The following DCHS2 variants were observed in gnomAD, a reference collection of about 807,000 sequenced individuals.
The protein encoded by DCHS2 is protocadherin-23.
In DCHS2, 142 loss-of-function variants were observed where a neutral mutation model predicts 182.4. That is an observed-to-expected ratio of 0.78 (90% CI 0.68 to 0.89). DCHS2 has a LOEUF of 0.89. Among genes scored for constraint, DCHS2 ranks in the 40% least tolerant of loss-of-function variants. The probability of loss-of-function intolerance (pLI) is 0.00; values close to 1 mark genes in which losing one functional copy is unlikely to be tolerated. For synonymous variants in DCHS2, 1,740 were observed against 1,663.3 expected (o/e 1.05, Z -1.12); for missense variants, 4,319 against 4,198.6 (o/e 1.03, Z -0.79).
chr4:154,322,586 T>G (rs1736108083), intron 7 of DCHS2, 98 bp from the exon 8 acceptor site: 2 of 1,391,086 alleles, frequency 1.4e-6, no homozygotes, highest in Non-Finnish European at 1.9e-6. Flanking sequence ...AAGATTTGTT[T>G]GCTTTGAATT....
At chr4:154,398,902 G>A (rs7693455) in intron 1 of DCHS2, among the ~76,000 whole-genome samples, 107,688 of 152,164 alleles carry the variant, frequency 0.71, 39,894 homozygotes, top group Admixed American at 0.81. Flanking sequence ...ATTGGCAGAG[G>A]CTTTAAAAGG....
intron 1 of DCHS2, among the ~76,000 whole-genome samples, chr4:154,413,446 G>A (rs1471849634): frequency 6.6e-6 from 1 of 152,140 alleles, no homozygotes; most frequent in Non-Finnish European, 1.5e-5. Context: ...TTGAGACATT[G>A]CATTTTAGAT....
intron 1 of DCHS2, chr4:154,391,093 A>C (rs1731680205): frequency 1.8e-5 from 24 of 1,333,018 alleles, no homozygotes; most frequent in Non-Finnish European, 2.4e-5. Flanking sequence ...GCCAGTATGA[A>C]TCTCATATGT....
chr4:154,266,027 G>A (rs1273954888), intron 14 of DCHS2, among the ~76,000 whole-genome samples: 3 of 152,168 alleles, frequency 2.0e-5, no homozygotes, highest in African/African-American at 7.2e-5. Context: ...CAATTATACT[G>A]TAGTAAAAGT....
intron 16 of DCHS2, among the ~76,000 whole-genome samples, chr4:154,252,204 A>ATG (rs1221387521): frequency 6.6e-6 from 1 of 152,142 alleles, no homozygotes; most frequent in Non-Finnish European, 1.5e-5. Flanking sequence ...TAGTAGGTGT[A>ATG]TACATTTATG....
At position 154,490,194 on chromosome 4, in the gene DCHS2, C is replaced by T. The variant is rs1728754884; in HGVS notation, c.1162G>A (p.Gly388Arg). Residue 388 changes from glycine to arginine, a missense_variant, in exon 1 of 20, where the codon GGA becomes AGA. Physicochemically the swap from Gly to Arg is moderately radical, Grantham distance 125 (BLOSUM62 -2). Coordinates refer to ENST00000357232, the MANE Select transcript of DCHS2 (RefSeq NM_001358235.2). ...GTGGCAACCTCAGGCTCGGCGCCTC[C>T]ATCGCGGGCCTCCACCACCAACTGG... is the stretch of plus-strand genomic sequence containing the variant. ...WHQLVVEARDGGAEPEVATVR... is the reference protein window; with the variant it reads ...WHQLVVEARDRGAEPEVATVR... 6.5e-7 allele frequency: 1 copy of T among 1,549,464 alleles called. No individual in the cohort carries two copies. Among genetic ancestry groups the T allele is most frequent in the Non-Finnish European group, 8.7e-7 (1 of 1,146,714 alleles).
At chr4:154,285,072 T>G (rs1050330505) in intron 13 of DCHS2, among the ~76,000 whole-genome samples, 2 of 152,030 alleles carry the variant, frequency 1.3e-5, no homozygotes, top group Non-Finnish European at 1.5e-5. Flanking sequence ...GGCAGAGTGC[T>G]GAGGCCCCCA....
chr4:154,460,400 A>G (rs1389730784), intron 1 of DCHS2, among the ~76,000 whole-genome samples: 1 of 152,118 alleles, frequency 6.6e-6, no homozygotes, highest in African/African-American at 2.4e-5. Context: ...TAATATCACA[A>G]ATTAGGCATC....
At chr4:154,349,478 T>C (rs988767399) in intron 3 of DCHS2, among the ~76,000 whole-genome samples, 1 of 152,210 alleles carries the variant, frequency 6.6e-6, no homozygotes, top group African/African-American at 2.4e-5. Context: ...TCCTATAAAT[T>C]TTATTTAACA....
chr4:154,395,619 A>G (rs1179310546), intron 1 of DCHS2, among the ~76,000 whole-genome samples: 2 of 152,196 alleles, frequency 1.3e-5, no homozygotes, highest in Non-Finnish European at 2.9e-5. Context: ...ACATTGACCA[A>G]ATTCTATTTG....
At chr4:154,310,597 C>T (rs568963851) in intron 10 of DCHS2, among the ~76,000 whole-genome samples, 43 of 152,284 alleles carry the variant, frequency 2.8e-4, no homozygotes, top group Non-Finnish European at 4.7e-4. Flanking sequence ...AGGCCATCAG[C>T]ATCCTTGAAA....
At chr4:154,361,429 G>T (rs1460378042) in intron 3 of DCHS2, among the ~76,000 whole-genome samples, 6 of 152,144 alleles carry the variant, frequency 3.9e-5, no homozygotes, top group Non-Finnish European at 8.8e-5. Flanking sequence ...ACTAAAGAGA[G>T]CACTTCAAAC....
chr4:154,456,214 A>G (rs1412993039), intron 1 of DCHS2, among the ~76,000 whole-genome samples: 2 of 152,296 alleles, frequency 1.3e-5, no homozygotes, highest in East Asian at 1.9e-4. Flanking sequence ...CTTCGCTGCT[A>G]TAGTATCTCT....
At chr4:154,248,168 G>C (rs1469597925) in intron 16 of DCHS2, among the ~76,000 whole-genome samples, 5 of 152,114 alleles carry the variant, frequency 3.3e-5, no homozygotes, top group African/African-American at 1.2e-4. Context: ...GAAACTGGGG[G>C]CTTGAGGAGT....
chr4:154,374,223 T>C, intron 2 of DCHS2: 1 of 419,878 alleles, frequency 2.4e-6, no homozygotes, highest in Non-Finnish European at 4.3e-6. Flanking sequence ...AGGATCTCTG[T>C]GTCCTGCATC....
chr4:154,359,753 CT>C (rs1196954774), intron 3 of DCHS2, among the ~76,000 whole-genome samples: 1 of 151,992 alleles, frequency 6.6e-6, no homozygotes, highest in African/African-American at 2.4e-5. Flanking sequence ...ATTTGAAATT[CT>C]ATCTCATATT....
Position 154,236,348 on chromosome 4 carries a change from C to T in DCHS2, c.8304G>A (p.Gln2768=). The part of the protein sequence containing the change: ...SVLDDNDHAP[Q]FMFSSFSCIV... ...TACAGCTGAAGCTTGAGAACATAAA[C>T]TGAGGTGCATGGTCGTTATCATCCA... The change falls in exon 20 of 20, where the codon CAG becomes CAA. Residue 2768 remains glutamine (Q), a synonymous_variant. Coordinates refer to ENST00000357232, the MANE Select transcript of DCHS2 (RefSeq NM_001358235.2). 6.2e-7 allele frequency: 1 copy of T among 1,614,040 alleles called. No homozygotes were observed. Among genetic ancestry groups the T allele is most frequent in the Non-Finnish European group, 8.5e-7 (1 of 1,179,964 alleles).
intron 1 of DCHS2, among the ~76,000 whole-genome samples, chr4:154,482,834 G>T (rs577840987): frequency 6.6e-6 from 1 of 152,096 alleles, no homozygotes; most frequent in Non-Finnish European, 1.5e-5. Flanking sequence ...AAAGCCTCAT[G>T]GTGGCAGGCA....
At chr4:154,274,075 A>G (rs1208439391) in intron 13 of DCHS2, among the ~76,000 whole-genome samples, 2 of 152,182 alleles carry the variant, frequency 1.3e-5, no homozygotes, top group African/African-American at 4.8e-5. Flanking sequence ...AGAAGCAGGA[A>G]CAAATGTAGA....
Sources: allele counts gnomAD v4.1 joint callset (sites outside exome capture counted in the v4.1 genomes callset), GRCh38; gene constraint gnomAD v4.1.1; transcripts MANE v1.5; gene names NCBI Gene and HGNC (gene_info 2026-07-23, HGNC 2026-07-21).